PTPRM: variants seen among roughly 807,000 people sequenced by gnomAD.
PTPRM encodes the protein receptor-type tyrosine-protein phosphatase mu.
PTPRM carries 47 observed loss-of-function variants against 186.7 expected under a neutral mutation model. The ratio of observed to expected loss-of-function variants is 0.25; its 90% CI spans 0.20 to 0.32. The LOEUF (loss-of-function observed/expected upper bound fraction) is 0.32, where lower values mean the gene tolerates loss of function less well. Among genes scored for constraint, PTPRM ranks in the 10% least tolerant of loss-of-function variants. The pLI is 1.00. For synonymous variants in PTPRM, 668 were observed against 674.9 expected (o/e 0.99, Z 0.16); for missense variants, 1,494 against 1,865.0 (o/e 0.80, Z 3.66).
At chr18:8,264,074 A>G (rs190460498) in intron 19 of PTPRM, among the ~76,000 whole-genome samples, 1 of 152,286 alleles carries the variant, frequency 6.6e-6, no homozygotes, top group African/African-American at 2.4e-5. Flanking sequence ...GACTCCAGGT[A>G]GAAAGTGTCA....
chr18:8,071,831 A>C (rs1009774324), intron 8 of PTPRM, among the ~76,000 whole-genome samples: 10 of 152,116 alleles, frequency 6.6e-5, no homozygotes, highest in African/African-American at 2.4e-4. Context: ...TGTGTTATTC[A>C]CATCCCTCTG....
rs1219910427 is a variant in PTPRM at position 8,240,692 on chromosome 18, AAAGAG to A, written c.2301-3364_2301-3360del. On this transcript the variant is annotated intron_variant, in intron 14 of 32. Coordinates refer to ENST00000580170, the MANE Select transcript of PTPRM (RefSeq NM_001105244.2). ...AAGAAAGAAAGAAAAAGAAAGAGAG[AAAGAG>A]AGAAAGAAAGAAGGAAAGAAGAGAA... 9.3e-5 allele frequency among the ~76,000 whole-genome samples: 9 copies of A among 96,912 alleles called. 2 individuals are homozygous for A. The highest frequency in any genetic ancestry group is 4.0e-4 in the African/African-American group (9 of 22,224). The allele number at this position is 96,912 out of a possible 152,430, so 63.6% of individuals were successfully genotyped here. A position where few individuals can be genotyped will look rare whatever the true frequency, so the allele number is the denominator to read the frequency against.
At chr18:7,849,245 C>T (rs1345249114) in intron 2 of PTPRM, among the ~76,000 whole-genome samples, 2 of 152,158 alleles carry the variant, frequency 1.3e-5, no homozygotes, top group African/African-American at 4.8e-5. Context: ...TAAAATGTCT[C>T]AAGTTTCATT....
At chr18:8,297,184 G>A (rs144894030) in intron 20 of PTPRM, among the ~76,000 whole-genome samples, 67 of 152,266 alleles carry the variant, frequency 4.4e-4, no homozygotes, top group Non-Finnish European at 7.2e-4. Context: ...GCACTGACAG[G>A]CCCGCTGTAG....
intron 7 of PTPRM, among the ~76,000 whole-genome samples, chr18:7,980,229 A>T (rs925421158): frequency 1.3e-5 from 2 of 151,142 alleles, no homozygotes; most frequent in African/African-American, 4.9e-5. Flanking sequence ...TCAATCATAA[A>T]TCTCATGTAC....
At position 8,128,992 on chromosome 18, in the gene PTPRM, A is replaced by G. The variant is rs147101539; in HGVS notation, c.2167+14165A>G. On this transcript the variant is annotated intron_variant, in intron 13 of 32. Coordinates refer to ENST00000580170, the MANE Select transcript of PTPRM (RefSeq NM_001105244.2). The stretch of plus-strand genomic sequence containing the variant: ...CTTGAATGGCATATATTGAAATTTC[A>G]TATTTTAGGAAACCTAACTTTTAAT... 2.6e-5 allele frequency among the ~76,000 whole-genome samples: 4 copies of G among 152,292 alleles called. No homozygotes were observed. In the East Asian group the frequency reaches 5.8e-4, roughly 22 times the overall value.
intron 7 of PTPRM, among the ~76,000 whole-genome samples, chr18:8,020,990 G>C (rs1282531004): frequency 6.6e-6 from 1 of 152,132 alleles, no homozygotes; most frequent in Non-Finnish European, 1.5e-5. Context: ...TTCCAGTGCA[G>C]TATTGGGACT....
intron 22 of PTPRM, among the ~76,000 whole-genome samples, chr18:8,319,528 C>G (rs974754064): frequency 2.0e-5 from 3 of 152,162 alleles, no homozygotes; most frequent in Admixed American, 1.3e-4. Flanking sequence ...ACCAGCTGCT[C>G]TCTACACAGG....
chr18:7,636,801 G>A (rs1198352097), intron 1 of PTPRM, among the ~76,000 whole-genome samples: 2 of 152,144 alleles, frequency 1.3e-5, no homozygotes, highest in Non-Finnish European at 2.9e-5. Context: ...TTAGAGTGAG[G>A]ACATTGAAGA....
chr18:8,146,267 C>G (rs1435575289), intron 14 of PTPRM, among the ~76,000 whole-genome samples: 1 of 152,096 alleles, frequency 6.6e-6, no homozygotes, highest in Non-Finnish European at 1.5e-5. Context: ...TGTGATCCGC[C>G]TGCTTGGCCT....
At position 7,888,270 on chromosome 18, in the gene PTPRM, A is replaced by C. The variant is rs188245197; in HGVS notation, c.361A>C (p.Asn121His). The change falls in exon 3 of 33, where the codon AAT (asparagine) becomes CAT (histidine). Residue 121 changes from asparagine to histidine, a missense_variant. Coordinates refer to ENST00000580170, the MANE Select transcript of PTPRM (RefSeq NM_001105244.2). Reference protein sequence around the residue: ...PGLLNVYVKVNNGPLGNPIWN... With the variant: ...PGLLNVYVKVHNGPLGNPIWN... ...GTTACTCAATGTCTACGTGAAGGTC[A>C]ATAACGGGCCACTGGGGAATCCTAT... The C allele has an allele frequency of 6.2e-7, 1 of 1,614,204 alleles. No homozygotes were observed. The highest frequency in any genetic ancestry group is 1.3e-5 in the African/African-American group (1 of 75,042).
At chr18:8,253,657 T>C (rs1219128954) in intron 19 of PTPRM, among the ~76,000 whole-genome samples, 1 of 152,148 alleles carries the variant, frequency 6.6e-6, no homozygotes, top group Admixed American at 6.5e-5. Context: ...TCCAGATCCA[T>C]GGGTTTTGCA....
At chr18:8,225,731 T>C (rs547493926) in intron 14 of PTPRM, among the ~76,000 whole-genome samples, 1 of 152,346 alleles carries the variant, frequency 6.6e-6, no homozygotes, top group African/African-American at 2.4e-5. Context: ...TATAAGAGAA[T>C]ATCTTTATGA....
At chr18:8,405,804 G>A (rs1232255245) in intron 32 of PTPRM, among the ~76,000 whole-genome samples, 1 of 152,190 alleles carries the variant, frequency 6.6e-6, no homozygotes, top group Non-Finnish European at 1.5e-5. Flanking sequence ...CCTGCACAAA[G>A]CTCAGCATGT....
At chr18:7,888,027 T>A (rs756595334) in intron 2 of PTPRM, 79 bp from the exon 3 acceptor site, 1 of 1,562,414 alleles carries the variant, frequency 6.4e-7, no homozygotes, top group Non-Finnish European at 8.8e-7. Flanking sequence ...TGCCAACCCA[T>A]GTAAATGGTG....
At chr18:7,664,334 T>C (rs2039046680) in intron 1 of PTPRM, among the ~76,000 whole-genome samples, 1 of 152,214 alleles carries the variant, frequency 6.6e-6, no homozygotes, top group Non-Finnish European at 1.5e-5. Flanking sequence ...GGTCCACAGC[T>C]CATGTGCCAT....
intron 7 of PTPRM, among the ~76,000 whole-genome samples, chr18:8,024,698 T>TTTTTA (rs1555695329): frequency 3.3e-5 from 5 of 151,130 alleles, no homozygotes; most frequent in Admixed American, 2.0e-4. Context: ...TTTTTTTTTT[T>TTTTTA]ACTGAGTCAG....
chr18:8,365,258 C>A (rs549170222), intron 23 of PTPRM, among the ~76,000 whole-genome samples: 54 of 152,324 alleles, frequency 3.5e-4, no homozygotes, highest in African/African-American at 1.3e-3. Context: ...TTGCCTTGAG[C>A]AAGCCACTTG....
intron 14 of PTPRM, among the ~76,000 whole-genome samples, chr18:8,196,397 A>C (rs1246419512): frequency 3.3e-5 from 5 of 152,170 alleles, no homozygotes; most frequent in Non-Finnish European, 5.9e-5. Flanking sequence ...AACAGGAGAG[A>C]GTGGAATGAG....
Sources: allele counts gnomAD v4.1 joint callset (sites outside exome capture counted in the v4.1 genomes callset), GRCh38; gene constraint gnomAD v4.1.1; transcripts MANE v1.5; gene names NCBI Gene and HGNC (gene_info 2026-07-23, HGNC 2026-07-21).